ZNF611: variants seen among roughly 807,000 people sequenced by gnomAD.
The protein encoded by ZNF611 is zinc finger protein 611.
A neutral mutation model predicts 8.9 loss-of-function variants in ZNF611; 6 were observed. That is an observed-to-expected ratio of 0.68 (90% CI 0.37 to 1.34). The LOEUF (loss-of-function observed/expected upper bound fraction) is 1.34, where lower values mean the gene tolerates loss of function less well. Ranked by LOEUF, ZNF611 falls within the 40% of genes most tolerant of loss-of-function variation. The probability of loss-of-function intolerance (pLI) is 0.02; values close to 1 mark genes in which losing one functional copy is unlikely to be tolerated. For missense variants in ZNF611, 874 were observed against 841.3 expected (o/e 1.04, Z -0.48); for synonymous variants, 262 against 279.7 (o/e 0.94, Z 0.63).
intron 1 of ZNF611, among the ~76,000 whole-genome samples, chr19:52,734,237 A>C (rs373508808): frequency 4.3e-5 from 6 of 141,058 alleles, no homozygotes; most frequent in East Asian, 4.2e-4. Flanking sequence ...ATCCCTCACC[A>C]ATCCTCTATT....
At chr19:52,726,543 T>TTC (rs57147577) in intron 3 of ZNF611, among the ~76,000 whole-genome samples, 5,590 of 152,062 alleles carry the variant, frequency 0.037, 311 homozygotes, top group African/African-American at 0.12. Context: ...GCCTGAGAGT[T>TTC]GAGTAACTGG....
In ZNF611 at chr19:52,704,419, C is replaced by T. The variant is rs1600302870; in HGVS notation, c.*518G>A. On this transcript the variant is annotated 3_prime_UTR_variant, in exon 6 of 6. Coordinates refer to ENST00000652185, the MANE Select transcript of ZNF611 (RefSeq NM_001161499.2). ...GTGTGAACGTGAAGCAAAGGCTTTG[C>T]CACAATCATCACACTTGTGAGGTTT... 2 of 694,008 alleles carry T rather than the reference C, an allele frequency of 2.9e-6. No individual in the cohort carries two copies. The highest frequency in any genetic ancestry group is 2.4e-4 in the Middle Eastern group (1 of 4,118). The allele number at this position is 694,008 out of a possible 1,614,324, so 43.0% of individuals were successfully genotyped here.
Position 52,706,821 on chromosome 19 carries a change from C to T in ZNF611, c.234G>A (p.Gly78=), listed in dbSNP as rs1394688653. ...TGTGGATCACTTCTGTATTGCCTTG[C>T]CCTGTTGACAAGACCTCCTTCATCA... ...KCMMKEVLST[G]QGNTEVIHTG... Residue 78 remains glycine, a synonymous_variant, in exon 6 of 6, where the codon GGG becomes GGA. Coordinates refer to ENST00000652185, the MANE Select transcript of ZNF611 (RefSeq NM_001161499.2). 6.2e-7 allele frequency: 1 copy of T among 1,611,128 alleles called. No individual in the cohort carries two copies. Among genetic ancestry groups the T allele is most frequent in the Non-Finnish European group, 8.5e-7 (1 of 1,179,122 alleles).
intron 5 of ZNF611, among the ~76,000 whole-genome samples, chr19:52,711,505 A>G (rs1438393108): frequency 2.0e-5 from 3 of 152,158 alleles, no homozygotes; most frequent in African/African-American, 7.2e-5. Flanking sequence ...ATCCCACGAC[A>G]TGTTCTTAGG....
intron 4 of ZNF611, among the ~76,000 whole-genome samples, chr19:52,715,504 C>T (rs2062310518): frequency 6.6e-6 from 1 of 152,232 alleles, no homozygotes; most frequent in Non-Finnish European, 1.5e-5. Flanking sequence ...TATGTAGTTT[C>T]TCTGAGCTGA....
Position 52,706,675 on chromosome 19 carries a change from G to A in ZNF611, c.380C>T (p.Ala127Val). Residue 127 changes from alanine (A) to valine (V), a missense_variant, in exon 6 of 6, where the codon GCA becomes GTA. Transcript: ENST00000652185. The stretch of plus-strand genomic sequence containing the variant: ...CAACTTTTTTATTTTTGTCATGGGT[G>A]CTTCAAGGCCATTTCTTTCATCTTC... ...CQEDERNGLEAPMTKIKKLTG... is the reference protein window; with the variant it reads ...CQEDERNGLEVPMTKIKKLTG... 1.9e-6 allele frequency: 3 copies of A among 1,613,860 alleles called. No homozygotes were observed. Among genetic ancestry groups the A allele is most frequent in the Non-Finnish European group, 2.5e-6 (3 of 1,179,958 alleles).
At chr19:52,712,628 A>G (rs2062288505) in intron 5 of ZNF611, among the ~76,000 whole-genome samples, 1 of 144,410 alleles carries the variant, frequency 6.9e-6, no homozygotes, top group Admixed American at 7.1e-5. Flanking sequence ...ACAGAGCAAT[A>G]CTCCGTCTGA....
chr19:52,725,281 C>T (rs116527056), intron 3 of ZNF611, among the ~76,000 whole-genome samples: 4,088 of 152,202 alleles, frequency 0.027, 168 homozygotes, highest in African/African-American at 0.092. Context: ...TAGTGGGAGA[C>T]GGCGCCTTAA....
Position 52,703,397 on chromosome 19 carries a change from C to T in ZNF611, c.*1540G>A, listed in dbSNP as rs55754343. On this transcript the variant is annotated 3_prime_UTR_variant, in exon 6 of 6. Coordinates refer to ENST00000652185, the MANE Select transcript of ZNF611 (RefSeq NM_001161499.2). ...CCTAGGTTTAAGCAATTCTCATGCC[C>T]CAGCCTCCCAAGTAGCTGGAACTAA... 0.2 allele frequency: 30,347 copies of T among 151,796 alleles called. 3,787 individuals carry two copies. Among genetic ancestry groups the T allele is most frequent in the Non-Finnish European group, 0.28 (19,253 of 67,938 alleles). 9.4% of individuals were successfully genotyped at this position (151,796 alleles called of 1,614,324 possible).
At chr19:52,724,475 A>T (rs1242805467) in intron 3 of ZNF611, 1 of 152,196 alleles carries the variant, frequency 6.6e-6, no homozygotes, top group Admixed American at 6.6e-5. Flanking sequence ...GTACAGACCA[A>T]AATGGGGTTT....
chr19:52,725,856 G>C (rs1190795790), intron 3 of ZNF611, among the ~76,000 whole-genome samples: 1 of 152,032 alleles, frequency 6.6e-6, no homozygotes, highest in African/African-American at 2.4e-5. Context: ...GAGGCGGAGA[G>C]ACCTTGCCCT....
At chr19:52,723,084 G>A (rs2062370248) in intron 3 of ZNF611, among the ~76,000 whole-genome samples, 1 of 150,352 alleles carries the variant, frequency 6.7e-6, no homozygotes, top group African/African-American at 2.4e-5. Context: ...CCCTAATTCT[G>A]TGCATATCTC....
intron 3 of ZNF611, among the ~76,000 whole-genome samples, chr19:52,726,996 G>C (rs2062397556): frequency 6.6e-6 from 1 of 151,986 alleles, no homozygotes; most frequent in African/African-American, 2.4e-5. Context: ...CTTTGGAGTA[G>C]CTGGTATTAC....
intron 1 of ZNF611, among the ~76,000 whole-genome samples, chr19:52,732,756 G>A (rs1466189297): frequency 5.4e-5 from 8 of 147,422 alleles, no homozygotes; most frequent in African/African-American, 2.0e-4. Context: ...ACCAGCCTAG[G>A]AAACATAGTG....
rs560701002 is a variant in ZNF611 at position 52,704,765 on chromosome 19, T to C, written c.*172A>G. 74 of 1,594,684 alleles carry C rather than the reference T, an allele frequency of 4.6e-5. No individual in the cohort carries two copies. In the African/African-American group the frequency reaches 7.0e-4, roughly 15 times the overall value. ...TTGCCAAAGGCTTTGCCACACTCATTACACTTGTAAGGTTTCTCTCCAGTG... is the reference window on the plus strand; with the variant it reads ...TTGCCAAAGGCTTTGCCACACTCATCACACTTGTAAGGTTTCTCTCCAGTG... On this transcript the variant is annotated 3_prime_UTR_variant, in exon 6 of 6. Transcript: ENST00000652185.
intron 1 of ZNF611, among the ~76,000 whole-genome samples, chr19:52,732,224 C>T (rs553656003): frequency 6.4e-4 from 98 of 151,958 alleles, no homozygotes; most frequent in African/African-American, 2.1e-3. Flanking sequence ...GAGCTGAGAT[C>T]GTGCCACTGC....
intron 3 of ZNF611, among the ~76,000 whole-genome samples, chr19:52,722,877 C>T (rs1196268945): frequency 6.6e-6 from 1 of 150,902 alleles, no homozygotes; most frequent in African/African-American, 2.4e-5. Context: ...ATTACAGGTG[C>T]ACATTATCAT....
At chr19:52,709,096 C>T (rs528447930) in intron 5 of ZNF611, among the ~76,000 whole-genome samples, 2 of 152,212 alleles carry the variant, frequency 1.3e-5, no homozygotes, top group East Asian at 3.9e-4. Flanking sequence ...TGTTCCCTGG[C>T]CCGAATGTTC....
At chr19:52,712,448 G>C (rs1279739913) in intron 5 of ZNF611, among the ~76,000 whole-genome samples, 1 of 94,396 alleles carries the variant, frequency 1.1e-5, no homozygotes, top group East Asian at 3.4e-4. Flanking sequence ...GTGAAACACT[G>C]TCTCTACTAA....
Sources: allele counts gnomAD v4.1 joint callset (sites outside exome capture counted in the v4.1 genomes callset), GRCh38; gene constraint gnomAD v4.1.1; transcripts MANE v1.5; gene names NCBI Gene and HGNC (gene_info 2026-07-23, HGNC 2026-07-21).